Variants in PPP1R16B observed in about 807,000 individuals in gnomAD.
The protein encoded by PPP1R16B is protein phosphatase 1 regulatory inhibitor subunit 16B.
Under a neutral mutation model 61.7 loss-of-function variants are expected in PPP1R16B, and 14 were observed. The observed-to-expected ratio is 0.23, with a 90% CI of 0.15 to 0.35. PPP1R16B has a LOEUF of 0.35. Ranked by LOEUF, PPP1R16B falls within the 10% of genes least tolerant of loss-of-function variation. The probability of loss-of-function intolerance (pLI) is 1.00; values close to 1 mark genes in which losing one functional copy is unlikely to be tolerated. For missense variants in PPP1R16B, 547 were observed against 752.5 expected, an observed-to-expected ratio of 0.73 and a Z score of 3.19; for synonymous variants, 266 against 305.3, an observed-to-expected ratio of 0.87 and a Z score of 1.34.
intron 7 of PPP1R16B, among the ~76,000 whole-genome samples, chr20:38,906,355 G>A (rs549704093): frequency 1.4e-5 from 2 of 139,814 alleles, no homozygotes; most frequent in Non-Finnish European, 3.0e-5. Context: ...GTGCAGTGGT[G>A]CAATCTCATC....
At chr20:38,913,719 G>A (rs751703943) in intron 10 of PPP1R16B, among the ~76,000 whole-genome samples, 11 of 152,172 alleles carry the variant, frequency 7.2e-5, no homozygotes, top group Non-Finnish European at 1.5e-4. Context: ...CTGAGGGTTG[G>A]GGGTGGGATG....
intron 1 of PPP1R16B, among the ~76,000 whole-genome samples, chr20:38,807,709 C>G (rs2084671752): frequency 6.6e-6 from 1 of 152,186 alleles, no homozygotes; most frequent in Admixed American, 6.5e-5. Flanking sequence ...AACCAGGCCA[C>G]CCTGGACTGT....
intron 4 of PPP1R16B, among the ~76,000 whole-genome samples, chr20:38,900,179 T>G (rs374693678): frequency 6.6e-6 from 1 of 152,204 alleles, no homozygotes. Flanking sequence ...AAAGGATGCC[T>G]GCAAAAGGGG....
Position 38,889,576 on chromosome 20 carries a change from C to G in PPP1R16B, c.251-19C>G. 6.4e-7 allele frequency: 1 copy of G among 1,554,404 alleles called. No individual in the cohort carries two copies. The highest frequency in any genetic ancestry group is 8.9e-7 in the Non-Finnish European group (1 of 1,125,592). On this transcript the variant is annotated intron_variant, in intron 2 of 10. Coordinates refer to ENST00000299824, the MANE Select transcript of PPP1R16B (RefSeq NM_015568.4). ...CCAGTGTGCAACGGGAAGCTCACTC[C>G]TGTACCCTCCTATTGCAGTACGCTA...
chr20:38,807,001 G>A (rs2084666619), intron 1 of PPP1R16B, among the ~76,000 whole-genome samples: 1 of 152,196 alleles, frequency 6.6e-6, no homozygotes, highest in South Asian at 2.1e-4. Context: ...TGTCAGAAGA[G>A]CCCCCCAGCT....
Position 38,905,456 on chromosome 20 carries a change from A to G in PPP1R16B, c.697-513A>G, listed in dbSNP as rs1407120084. Among the ~76,000 whole-genome samples, 5 of 152,208 alleles carry G rather than the reference A, an allele frequency of 3.3e-5. No individual in the cohort carries two copies. The East Asian group carries it at 9.6e-4, about 29-fold the overall frequency. Reference sequence around the variant, plus strand: ...CACAACATAGTGGCTGCCTTCTTCTAGAATAATTGATCCAAGACAACATAA... The same window carrying G: ...CACAACATAGTGGCTGCCTTCTTCTGGAATAATTGATCCAAGACAACATAA... On this transcript the variant is annotated intron_variant, in intron 6 of 10. Transcript: ENST00000299824.
intron 2 of PPP1R16B, among the ~76,000 whole-genome samples, chr20:38,877,102 A>G (rs575693943): frequency 6.6e-6 from 1 of 152,296 alleles, no homozygotes; most frequent in East Asian, 1.9e-4. Flanking sequence ...ATTCCATTAT[A>G]TGGATGTTTC....
intron 1 of PPP1R16B, among the ~76,000 whole-genome samples, chr20:38,821,489 A>G (rs1197862379): frequency 6.6e-6 from 1 of 152,210 alleles, no homozygotes; most frequent in Non-Finnish European, 1.5e-5. Context: ...AGAAGTGACT[A>G]GTGGGCTATA....
chr20:38,889,316 T>C (rs1327785973), intron 2 of PPP1R16B, among the ~76,000 whole-genome samples: 1 of 152,234 alleles, frequency 6.6e-6, no homozygotes, highest in Non-Finnish European at 1.5e-5. Context: ...ATGACTAGAA[T>C]GTGCATCCTC....
intron 10 of PPP1R16B, among the ~76,000 whole-genome samples, chr20:38,909,065 G>A (rs1174999915): frequency 1.3e-5 from 2 of 152,094 alleles, no homozygotes; most frequent in African/African-American, 2.4e-5. Context: ...GCAGTGGCAT[G>A]ATTATAGATC....
intron 10 of PPP1R16B, among the ~76,000 whole-genome samples, chr20:38,911,993 T>C (rs1370444760): frequency 6.6e-6 from 1 of 152,104 alleles, no homozygotes. Flanking sequence ...GGTAGGCATA[T>C]GTTTAGCTTT....
chr20:38,901,555 A>T lies in PPP1R16B; in HGVS notation c.571+871A>T, dbSNP rs543111488. On this transcript the variant is annotated intron_variant, in intron 5 of 10. Coordinates refer to ENST00000299824, the MANE Select transcript of PPP1R16B (RefSeq NM_015568.4). Reference sequence around the variant, plus strand: ...CTCCCAAGTAGCTGGGATTATAGGCATGCACCACCATGCCCAGCTAATTTT... The same window carrying T: ...CTCCCAAGTAGCTGGGATTATAGGCTTGCACCACCATGCCCAGCTAATTTT... Among the ~76,000 whole-genome samples, 126 of 152,242 alleles carry T rather than the reference A, an allele frequency of 8.3e-4. 1 individual carries two copies. The highest frequency in any genetic ancestry group is 3.0e-3 in the African/African-American group (123 of 41,556).
chr20:38,905,980 T>C lies in PPP1R16B; in HGVS notation c.708T>C (p.Ala236=), dbSNP rs1425587317. Residue 236 remains alanine (A), a synonymous_variant, in exon 7 of 11, where the codon GCT becomes GCC. Coordinates refer to ENST00000299824, the MANE Select transcript of PPP1R16B (RefSeq NM_015568.4). ...TTCCTCTCCTCCAGCTGCACATAGC[T>C]GGAGCCAATGGATACCTGCGGGCAG... The part of the protein sequence containing the change: ...DAQGATLLHI[A]GANGYLRAAE... 6.2e-7 allele frequency: 1 copy of C among 1,613,220 alleles called. No individual in the cohort carries two copies.
intron 1 of PPP1R16B, among the ~76,000 whole-genome samples, chr20:38,826,892 C>T (rs1293141465): frequency 6.6e-6 from 1 of 152,118 alleles, no homozygotes; most frequent in African/African-American, 2.4e-5. Context: ...TATCCTCATG[C>T]CAGGCTGATC....
chr20:38,870,078 C>T lies in PPP1R16B; in HGVS notation c.251-19517C>T, dbSNP rs182770083. On this transcript the variant is annotated intron_variant, in intron 2 of 10. Coordinates refer to ENST00000299824, the MANE Select transcript of PPP1R16B (RefSeq NM_015568.4). ...AGCTGGGATTACAGGTGCCCACCAACATGCCTGACTAATTTTTGTATTTTT... is the reference window on the plus strand; with the variant it reads ...AGCTGGGATTACAGGTGCCCACCAATATGCCTGACTAATTTTTGTATTTTT... Among the ~76,000 whole-genome samples, 1,158 of 152,202 alleles carry T rather than the reference C, an allele frequency of 7.6e-3. 14 individuals are homozygous for T. The highest frequency in any genetic ancestry group is 0.026 in the African/African-American group (1,088 of 41,498).
chr20:38,914,910 C>T (rs1265159171), intron 10 of PPP1R16B, among the ~76,000 whole-genome samples: 1 of 152,124 alleles, frequency 6.6e-6, no homozygotes, highest in Non-Finnish European at 1.5e-5. Flanking sequence ...TGAAGCCATC[C>T]TCCCACCTCA....
chr20:38,816,580 A>G (rs933896784), intron 1 of PPP1R16B, among the ~76,000 whole-genome samples: 1 of 152,340 alleles, frequency 6.6e-6, no homozygotes, highest in East Asian at 1.9e-4. Flanking sequence ...CCTGGGGGGA[A>G]CCAAGCCTTA....
intron 2 of PPP1R16B, among the ~76,000 whole-genome samples, chr20:38,848,547 CT>C (rs918553251): frequency 6.6e-6 from 1 of 151,946 alleles, no homozygotes; most frequent in Non-Finnish European, 1.5e-5. Context: ...TCAGATTACT[CT>C]TTTTTTTCAA....
At chr20:38,910,061 C>A (rs2085476468) in intron 10 of PPP1R16B, among the ~76,000 whole-genome samples, 1 of 152,048 alleles carries the variant, frequency 6.6e-6, no homozygotes, top group East Asian at 1.9e-4. Flanking sequence ...CTCACTGCAA[C>A]CTGTGCTCCC....
Sources: gnomAD v4.1 joint callset for allele counts (sites outside exome capture counted in the v4.1 genomes callset) on GRCh38, gnomAD v4.1.1 for gene constraint, MANE v1.5 for transcripts, NCBI Gene and HGNC (gene_info 2026-07-23, HGNC 2026-07-21) for gene names.